The following DISP1 variants were observed in gnomAD, a reference collection of about 807,000 sequenced individuals.
DISP1 encodes the protein protein dispatched homolog 1.
A neutral mutation model predicts 37.3 loss-of-function variants in DISP1; 30 were observed. The ratio of observed to expected loss-of-function variants is 0.80; its 90% CI spans 0.60 to 1.09. DISP1 has a LOEUF of 1.09. Among genes scored for constraint, DISP1 ranks in the 50% least tolerant of loss-of-function variants. DISP1 has a pLI of 0.00. For synonymous variants in DISP1, 634 were observed against 690.2 expected, an observed-to-expected ratio of 0.92 and a Z score of 1.28; for missense variants, 1,598 against 1,879.5, an observed-to-expected ratio of 0.85 and a Z score of 2.77.
At chr1:222,965,945 A>G (rs1465304138) in intron 3 of DISP1, among the ~76,000 whole-genome samples, 2 of 152,024 alleles carry the variant, frequency 1.3e-5, no homozygotes, top group African/African-American at 4.8e-5. Flanking sequence ...GGGAGGGAGG[A>G]TCACTTGAGC....
chr1:222,996,038 A>G (rs1679043368), intron 8 of DISP1, among the ~76,000 whole-genome samples: 1 of 152,154 alleles, frequency 6.6e-6, no homozygotes, highest in South Asian at 2.1e-4. Context: ...TCATTCTAAG[A>G]GGCTGTTTGT....
At chr1:222,976,808 A>T (rs1205784704) in intron 3 of DISP1, among the ~76,000 whole-genome samples, 1 of 152,172 alleles carries the variant, frequency 6.6e-6, no homozygotes, top group Non-Finnish European at 1.5e-5. Flanking sequence ...ATGTTCCAGA[A>T]TTATGGCTGT....
At chr1:222,969,998 T>C (rs1465549122) in intron 3 of DISP1, among the ~76,000 whole-genome samples, 1 of 152,168 alleles carries the variant, frequency 6.6e-6, no homozygotes, top group Non-Finnish European at 1.5e-5. Context: ...AGGAAAATTT[T>C]TAGAATGAAA....
rs532967233 is a variant in DISP1 at position 222,837,038 on chromosome 1, G to A, written c.-159+21960G>A. 1.5e-5 allele frequency: 6 copies of A among 398,490 alleles called. No individual in the cohort carries two copies. The South Asian group carries it at 5.1e-4, about 34-fold the overall frequency. The allele number at this position is 398,490 out of a possible 1,614,324, so 24.7% of individuals were successfully genotyped here. A position where few individuals can be genotyped will look rare whatever the true frequency, so the allele number is the denominator to read the frequency against. On this transcript the variant is annotated intron_variant, in intron 1 of 8. Transcript: ENST00000675850. ...CTGCCTGAAGTTTAAGCTAGCCCAT[G>A]ACTACACAAGTGCAACTGTATTTCC...
chr1:222,818,262 C>G (rs1661739555), intron 1 of DISP1, among the ~76,000 whole-genome samples: 1 of 152,126 alleles, frequency 6.6e-6, no homozygotes, highest in Admixed American at 6.6e-5. Context: ...ATTGCCAGCT[C>G]CTGGTGATAA....
chr1:222,876,051 A>G (rs1446119047), intron 1 of DISP1, among the ~76,000 whole-genome samples: 1 of 152,050 alleles, frequency 6.6e-6, no homozygotes, highest in African/African-American at 2.4e-5. Context: ...TTGATCTATC[A>G]GAGGACAAAA....
At chr1:222,892,655 C>G (rs1460716797) in intron 1 of DISP1, among the ~76,000 whole-genome samples, 1 of 152,090 alleles carries the variant, frequency 6.6e-6, no homozygotes, top group Non-Finnish European at 1.5e-5. Flanking sequence ...ATACTTTTGA[C>G]AGAATAAATG....
In DISP1 at chr1:222,964,722, A is replaced by G. The variant is rs527756019; in HGVS notation, c.510-18358A>G. 2.6e-5 allele frequency among the ~76,000 whole-genome samples: 4 copies of G among 152,344 alleles called. No homozygotes were observed. In the South Asian group the frequency reaches 8.3e-4, roughly 32 times the overall value. ...CTTTAGCCTGTTTATATCATGTTGT[A>G]CTTTAACACCTTACCTGGTGCAGGA... On this transcript the variant is annotated intron_variant, in intron 3 of 8. Coordinates refer to ENST00000675850, the MANE Select transcript of DISP1 (RefSeq NM_001377229.1).
chr1:222,901,125 A>C (rs1342613305), intron 1 of DISP1, among the ~76,000 whole-genome samples: 7 of 152,176 alleles, frequency 4.6e-5, no homozygotes, highest in African/African-American at 1.4e-4. Context: ...CTACGAACAG[A>C]TGCTGGTGGG....
intron 1 of DISP1, among the ~76,000 whole-genome samples, chr1:222,838,757 T>G (rs1429645416): frequency 1.3e-5 from 2 of 152,222 alleles, no homozygotes; most frequent in African/African-American, 4.8e-5. Context: ...TGCAACAGAG[T>G]GAGACTGTGT....
intron 3 of DISP1, among the ~76,000 whole-genome samples, chr1:222,947,836 T>C (rs1674908474): frequency 3.3e-5 from 5 of 151,876 alleles, no homozygotes; most frequent in Admixed American, 2.6e-4. Flanking sequence ...GGAGAGTAGA[T>C]TGAATTGGGT....
chr1:222,983,179 T>C (rs1677965484), intron 4 of DISP1, 70 bp downstream of exon 4: 1 of 1,210,214 alleles, frequency 8.3e-7, no homozygotes, highest in Non-Finnish European at 1.2e-6. Flanking sequence ...TAGTATTTTC[T>C]CCGTATTTTG....
intron 1 of DISP1, among the ~76,000 whole-genome samples, chr1:222,838,870 ATATAT>A (rs1667415088): frequency 1.3e-5 from 2 of 152,270 alleles, no homozygotes; most frequent in Middle Eastern, 3.4e-3. Context: ...CTCTCTCCAA[ATATAT>A]TAATTTTGGT....
intron 3 of DISP1, among the ~76,000 whole-genome samples, chr1:222,953,113 A>T (rs187328656): frequency 6.6e-6 from 1 of 152,348 alleles, no homozygotes; most frequent in East Asian, 1.9e-4. Flanking sequence ...TAGTCTCTAG[A>T]AGCAATCATT....
intron 3 of DISP1, among the ~76,000 whole-genome samples, chr1:222,961,972 C>T (rs1276778504): frequency 6.6e-6 from 1 of 151,942 alleles, no homozygotes; most frequent in African/African-American, 2.4e-5. Flanking sequence ...CGCCACTGCA[C>T]TCCAGCCTGG....
chr1:223,004,341 G>A lies in DISP1; in HGVS notation c.2944G>A (p.Asp982Asn), dbSNP rs762072719. 68 of 1,614,050 alleles carry A rather than the reference G, an allele frequency of 4.2e-5. No homozygotes were observed. The highest frequency in any genetic ancestry group is 1.8e-4 in the South Asian group (16 of 91,076). Reference sequence around the variant, plus strand: ...CTATGACCTCCAGGATAGCCTCTCCGATGGCACCCTCATTGCCATGGGGCT... The same window carrying A: ...CTATGACCTCCAGGATAGCCTCTCCAATGGCACCCTCATTGCCATGGGGCT... ...EFYDLQDSLS[D>N]GTLIAMGLSV... The change falls in exon 9 of 9, where the codon GAT (aspartate) becomes AAT (asparagine). Residue 982 changes from aspartate to asparagine, a missense_variant. Transcript: ENST00000675850. The surrounding 1 kb of genome is among the most constrained non-coding windows in gnomAD (Gnocchi z 4.9).
chr1:222,857,014 A>G (rs771938492), intron 1 of DISP1, among the ~76,000 whole-genome samples: 8 of 152,226 alleles, frequency 5.3e-5, no homozygotes, highest in Non-Finnish European at 1.2e-4. Context: ...TCTTATAATT[A>G]TTATTAGTAA....
intron 3 of DISP1, among the ~76,000 whole-genome samples, chr1:222,944,272 A>G (rs1036808850): frequency 3.3e-5 from 5 of 152,190 alleles, no homozygotes; most frequent in Non-Finnish European, 7.3e-5. Context: ...AAAAATCAAT[A>G]TCATTGCCAG....
chr1:222,941,668 C>A (rs1294871030), intron 2 of DISP1, among the ~76,000 whole-genome samples: 1 of 152,064 alleles, frequency 6.6e-6, no homozygotes, highest in Non-Finnish European at 1.5e-5. Flanking sequence ...ACATAGGAAT[C>A]CTCATGGGGG....
Sources: allele counts gnomAD v4.1 joint callset (sites outside exome capture counted in the v4.1 genomes callset), GRCh38; gene constraint gnomAD v4.1.1; non-coding constraint Gnocchi (gnomAD v3.1); transcripts MANE v1.5; gene names NCBI Gene and HGNC (gene_info 2026-07-23, HGNC 2026-07-21).